The following TMEM131L variants were observed in gnomAD, a reference collection of about 807,000 sequenced individuals.
TMEM131L encodes the protein transmembrane protein 131-like.
Under a neutral mutation model 192.2 loss-of-function variants are expected in TMEM131L, and 54 were observed. The observed-to-expected ratio is 0.28, with a 90% CI of 0.23 to 0.35. The LOEUF is 0.35. Ranked by LOEUF, TMEM131L falls within the 10% of genes least tolerant of loss-of-function variation. The pLI is 1.00. For missense variants in TMEM131L, 1,888 were observed against 1,972.9 expected (o/e 0.96, Z 0.82); for synonymous variants, 701 against 704.9 (o/e 0.99, Z 0.09).
Position 153,626,241 on chromosome 4 carries a change from T to C in TMEM131L, c.4124+16T>C. The C allele has an allele frequency of 6.5e-7, 1 of 1,533,092 alleles. No individual in the cohort carries two copies. Among genetic ancestry groups the C allele is most frequent in the Non-Finnish European group, 9.0e-7 (1 of 1,107,648 alleles). 95.0% of individuals were successfully genotyped at this position (1,533,092 alleles called of 1,614,324 possible). A position where few individuals can be genotyped will look rare whatever the true frequency, so the allele number is the denominator to read the frequency against. ...GCAATCCCATGTAAGTTTTTTATTTTCCAGCTTTTACAGTATGTTTTGTGT... is the reference window on the plus strand; with the variant it reads ...GCAATCCCATGTAAGTTTTTTATTTCCCAGCTTTTACAGTATGTTTTGTGT... On this transcript the variant is annotated intron_variant, in intron 30 of 34. Transcript: ENST00000409959.
intron 3 of TMEM131L, among the ~76,000 whole-genome samples, chr4:153,525,049 G>A (rs1389324067): frequency 6.6e-6 from 1 of 152,198 alleles, no homozygotes; most frequent in Non-Finnish European, 1.5e-5. Context: ...TGTTTGGCTA[G>A]TGAAGCATAC....
intron 3 of TMEM131L, among the ~76,000 whole-genome samples, chr4:153,543,300 G>A (rs556132870): frequency 6.6e-6 from 1 of 152,234 alleles, no homozygotes; most frequent in African/African-American, 2.4e-5. Context: ...AGCAATGCCT[G>A]TGTCTTTTAT....
intron 3 of TMEM131L, among the ~76,000 whole-genome samples, chr4:153,482,576 TA>T (rs1455629343): frequency 6.6e-6 from 1 of 152,186 alleles, no homozygotes; most frequent in Non-Finnish European, 1.5e-5. Context: ...TTGAAATTTT[TA>T]GTTCCTAAAA....
chr4:153,606,050 GC>G (rs35764384), intron 25 of TMEM131L, among the ~76,000 whole-genome samples: 2 of 152,148 alleles, frequency 1.3e-5, no homozygotes, highest in Non-Finnish European at 2.9e-5. Context: ...GTGTGAGTAT[GC>G]CCCCTGGTAA....
intron 34 of TMEM131L, among the ~76,000 whole-genome samples, 190 bp downstream of exon 34, chr4:153,635,761 G>A (rs991691722): frequency 1.3e-5 from 2 of 152,126 alleles, no homozygotes; most frequent in African/African-American, 4.8e-5. Flanking sequence ...TAATTAGATG[G>A]GTGGGGTCTT....
intron 26 of TMEM131L, 90 bp from the exon 27 acceptor site, chr4:153,620,666 G>C (rs1733330829): frequency 1.3e-6 from 1 of 793,386 alleles, no homozygotes; most frequent in South Asian, 2.0e-5. Context: ...GGGACATTCT[G>C]AATTCAGATG....
At chr4:153,574,928 A>G (rs889679292) in intron 7 of TMEM131L, among the ~76,000 whole-genome samples, 3 of 152,174 alleles carry the variant, frequency 2.0e-5, no homozygotes, top group African/African-American at 2.4e-5. Flanking sequence ...TTAGCATTCA[A>G]AATTGTGAAA....
At chr4:153,592,349 TATG>T in intron 17 of TMEM131L, 123 bp from the exon 18 acceptor site, 1 of 659,416 alleles carries the variant, frequency 1.5e-6, no homozygotes, top group Middle Eastern at 3.6e-4. Context: ...ATTTATTTCC[TATG>T]ATGTTTCTTG....
At chr4:153,622,113 G>A (rs1393552767) in intron 28 of TMEM131L, among the ~76,000 whole-genome samples, 3 of 152,184 alleles carry the variant, frequency 2.0e-5, no homozygotes, top group East Asian at 3.8e-4. Flanking sequence ...AAGGAATGAT[G>A]CTTGCTTGCT....
chr4:153,494,698 A>C (rs1430061569), intron 3 of TMEM131L, among the ~76,000 whole-genome samples: 1 of 152,242 alleles, frequency 6.6e-6, no homozygotes, highest in Non-Finnish European at 1.5e-5. Flanking sequence ...TGTCTCACCT[A>C]AACAATAGGA....
At chr4:153,576,488 A>G (rs1025731576) in intron 7 of TMEM131L, among the ~76,000 whole-genome samples, 3 of 152,216 alleles carry the variant, frequency 2.0e-5, no homozygotes, top group Non-Finnish European at 2.9e-5. Context: ...GAGATTTACT[A>G]AGAATGACAA....
At position 153,553,886 on chromosome 4, in the gene TMEM131L, T is replaced by C. The variant is rs552070239; in HGVS notation, c.309-1901T>C. Among the ~76,000 whole-genome samples the C allele has an allele frequency of 5.3e-5, 8 of 152,328 alleles. No homozygotes were observed. The South Asian group carries it at 1.7e-3, about 32-fold the overall frequency. ...CTAGTGAAGGAAATTTATATCCTCA[T>C]AACACTTTTAAAAATAGAATCTAAA... On this transcript the variant is annotated intron_variant, in intron 4 of 34. Coordinates refer to ENST00000409959, the MANE Select transcript of TMEM131L (RefSeq NM_001131007.2).
At chr4:153,477,097 G>A (rs1007250748) in intron 3 of TMEM131L, among the ~76,000 whole-genome samples, 20 of 152,172 alleles carry the variant, frequency 1.3e-4, no homozygotes, top group African/African-American at 4.8e-4. Flanking sequence ...CTTGAGGCGG[G>A]ACAGATCCTT....
chr4:153,550,578 G>A (rs1257220934), intron 4 of TMEM131L, among the ~76,000 whole-genome samples: 8 of 152,060 alleles, frequency 5.3e-5, no homozygotes, highest in South Asian at 2.1e-4. Context: ...CGCCCGCCTC[G>A]GCCTCCCAAA....
At chr4:153,559,316 A>G (rs1282710100) in intron 7 of TMEM131L, among the ~76,000 whole-genome samples, 1 of 152,232 alleles carries the variant, frequency 6.6e-6, no homozygotes, top group Non-Finnish European at 1.5e-5. Context: ...CCCTCCTTGC[A>G]GAATTTTAAG....
intron 7 of TMEM131L, among the ~76,000 whole-genome samples, chr4:153,573,752 A>G (rs148522002): frequency 6.6e-4 from 101 of 152,286 alleles, no homozygotes; most frequent in African/African-American, 2.3e-3. Flanking sequence ...TTCTGTTCCA[A>G]TCATGAAATA....
At chr4:153,551,699 A>G (rs150541388) in intron 4 of TMEM131L, among the ~76,000 whole-genome samples, 330 of 152,250 alleles carry the variant, frequency 2.2e-3, no homozygotes, top group African/African-American at 7.6e-3. Context: ...TTTTAGAAAA[A>G]GATTCTATAA....
chr4:153,627,859 C>T (rs960850479), intron 31 of TMEM131L, among the ~76,000 whole-genome samples, 172 bp downstream of exon 31: 6 of 152,184 alleles, frequency 3.9e-5, no homozygotes, highest in East Asian at 1.9e-4. Flanking sequence ...ACTCTGTGGA[C>T]GGGCATCATT....
At chr4:153,499,462 C>T (rs1373790656) in intron 3 of TMEM131L, among the ~76,000 whole-genome samples, 14 of 148,448 alleles carry the variant, frequency 9.4e-5, no homozygotes, top group African/African-American at 3.3e-4. Flanking sequence ...GCGTCTCGCT[C>T]TGTTGCCAGG....
Sources: gnomAD v4.1 joint callset for allele counts (sites outside exome capture counted in the v4.1 genomes callset) on GRCh38, gnomAD v4.1.1 for gene constraint, MANE v1.5 for transcripts, NCBI Gene and HGNC (gene_info 2026-07-23, HGNC 2026-07-21) for gene names.